Variants in CYTH1 observed in about 807,000 individuals in gnomAD.
CYTH1 encodes the protein cytohesin 1.
In CYTH1, 18 loss-of-function variants were observed where a neutral mutation model predicts 61.8. The ratio of observed to expected loss-of-function variants is 0.29; its 90% CI spans 0.20 to 0.43. CYTH1 has a LOEUF of 0.43. Ranked by LOEUF, CYTH1 falls within the 20% of genes least tolerant of loss-of-function variation. The pLI is 1.00. For synonymous variants in CYTH1, 174 were observed against 184.3 expected (o/e 0.94, Z 0.45); for missense variants, 336 against 510.5 (o/e 0.66, Z 3.29).
At chr17:78,698,459 C>T (rs747692255) in intron 8 of CYTH1, 79 bp from the exon 9 acceptor site, 78 of 1,187,684 alleles carry the variant, frequency 6.6e-5, no homozygotes, top group Non-Finnish European at 9.3e-5. Flanking sequence ...ATTCATTCCA[C>T]AAGCATTCAT....
At chr17:78,711,601 T>A (rs1034588578) in intron 1 of CYTH1, among the ~76,000 whole-genome samples, 22 of 152,094 alleles carry the variant, frequency 1.4e-4, no homozygotes, top group African/African-American at 4.8e-4. Context: ...CACAGAGCAG[T>A]TACTTTCCCC....
intron 2 of CYTH1, among the ~76,000 whole-genome samples, 165 bp from the exon 3 acceptor site, chr17:78,708,426 ATATT>A (rs1173155361): frequency 6.6e-6 from 1 of 152,274 alleles, no homozygotes; most frequent in Non-Finnish European, 1.5e-5. Flanking sequence ...TGTTTCAGAA[ATATT>A]TATTGAGTGC....
At chr17:78,744,583 A>G (rs2093352824) in intron 1 of CYTH1, among the ~76,000 whole-genome samples, 1 of 152,210 alleles carries the variant, frequency 6.6e-6, no homozygotes, top group Non-Finnish European at 1.5e-5. Context: ...TGGTTACCTA[A>G]AAAACATAGA....
At chr17:78,680,378 C>T in intron 12 of CYTH1, 34 bp from the exon 13 acceptor site, 1 of 1,582,986 alleles carries the variant, frequency 6.3e-7, no homozygotes, top group African/African-American at 1.4e-5. Flanking sequence ...GAGAGTGGAG[C>T]AAAGGAAGCT....
Position 78,742,702 on chromosome 17 carries a change from C to T in CYTH1, c.23-32970G>A, listed in dbSNP as rs374708670. On this transcript the variant is annotated intron_variant, in intron 1 of 13. Transcript: ENST00000446868. ...ACCCTGTCTCTACTAAAAATACAAA[C>T]GTTAGCTGGGCGTGGTGGTGGGCGC... Among the ~76,000 whole-genome samples the T allele has an allele frequency of 1.0e-4, 15 of 150,282 alleles. 4 individuals carry two copies. Among genetic ancestry groups the T allele is most frequent in the African/African-American group, 9.8e-5 (4 of 40,764 alleles).
At chr17:78,758,733 G>GA (rs937654881) in intron 1 of CYTH1, among the ~76,000 whole-genome samples, 9 of 151,706 alleles carry the variant, frequency 5.9e-5, no homozygotes, top group Admixed American at 5.3e-4. Flanking sequence ...AAAAAAGAAA[G>GA]AAAAAAAGAA....
rs768700248 is a variant in CYTH1 at position 78,692,400 on chromosome 17, G to T, written c.891+17C>A. On this transcript the variant is annotated intron_variant, in intron 11 of 13. Transcript: ENST00000446868. ...CTTGCCCATCCCTAGTCTGGAGGCC[G>T]ACTAGCAGGTGCTCACCGTGGTATA... 1.4e-5 allele frequency: 23 copies of T among 1,613,808 alleles called. No homozygotes were observed. Among genetic ancestry groups the T allele is most frequent in the Non-Finnish European group, 1.7e-5 (20 of 1,179,790 alleles).
chr17:78,736,275 C>T (rs946001819), intron 1 of CYTH1, among the ~76,000 whole-genome samples: 4 of 152,134 alleles, frequency 2.6e-5, no homozygotes, highest in Admixed American at 6.5e-5. Flanking sequence ...AGGAAGTAGA[C>T]ACAATCACCA....
At chr17:78,698,229 A>G (rs2144260990) in intron 9 of CYTH1, 40 bp downstream of exon 9, 1 of 1,531,266 alleles carries the variant, frequency 6.5e-7, no homozygotes, top group African/African-American at 1.4e-5. Flanking sequence ...TTTCTTCCTA[A>G]GTCTCAGCTT....
At position 78,781,420 on chromosome 17, in the gene CYTH1, C is replaced by G. The variant is rs182020131; in HGVS notation, c.22+782G>C. Among the ~76,000 whole-genome samples the G allele has an allele frequency of 1.8e-3, 281 of 152,378 alleles. 4 individuals are homozygous for G. The East Asian group carries it at 0.02, about 11-fold the overall frequency. On this transcript the variant is annotated intron_variant, in intron 1 of 13. Transcript: ENST00000446868. Reference sequence around the variant, plus strand: ...GGGAGGCACCCCTGGCCTGGGCCAGCAGCCTCAACGCGCGGGAGCGAAGGG... The same window carrying G: ...GGGAGGCACCCCTGGCCTGGGCCAGGAGCCTCAACGCGCGGGAGCGAAGGG...
chr17:78,756,982 T>TTC (rs1567877329), intron 1 of CYTH1, among the ~76,000 whole-genome samples: 1 of 149,116 alleles, frequency 6.7e-6, no homozygotes. Flanking sequence ...TTTTTTTCTT[T>TTC]TTTTTCTTTT....
intron 1 of CYTH1, among the ~76,000 whole-genome samples, chr17:78,775,625 A>C (rs2093487999): frequency 6.6e-6 from 1 of 152,182 alleles, no homozygotes; most frequent in Non-Finnish European, 1.5e-5. Flanking sequence ...TCAATGTAAA[A>C]ATTACATCAA....
At position 78,747,212 on chromosome 17, in the gene CYTH1, C is replaced by A. The variant is rs138856606; in HGVS notation, c.22+34990G>T. ...ATGCTAAGGATCAGGCTCTGAAGGC[C>A]CAGAGTATGCCAGGCTCGTAGAGTA... On this transcript the variant is annotated intron_variant, in intron 1 of 13. Transcript: ENST00000446868. 5.5e-4 allele frequency among the ~76,000 whole-genome samples: 82 copies of A among 150,200 alleles called. No individual in the cohort carries two copies. In the East Asian group the frequency reaches 0.015, roughly 28 times the overall value.
Position 78,756,971 on chromosome 17 carries a change from ATTTTTTTCTTTTTTTTCTT to A in CYTH1, c.22+25212_22+25230del, listed in dbSNP as rs1225635059. ...CACAAGGCGGAATTTCAAGGTTTGAATTTTTTTCTTTTTTTTCTTTTTTTTTTTTTTTTTTGAGATGGAG... is the reference window on the plus strand; with the variant it reads ...CACAAGGCGGAATTTCAAGGTTTGAATTTTTTTTTTTTTTTTGAGATGGAG... On this transcript the variant is annotated intron_variant, in intron 1 of 13. Coordinates refer to ENST00000446868, the MANE Select transcript of CYTH1 (RefSeq NM_004762.6). Among the ~76,000 whole-genome samples, 3 of 148,318 alleles carry A rather than the reference ATTTTTTTCTTTTTTTTCTT, an allele frequency of 2.0e-5. No homozygotes were observed. In the Admixed American group the frequency reaches 2.0e-4, roughly 10 times the overall value.
At chr17:78,745,513 C>T (rs2093356228) in intron 1 of CYTH1, among the ~76,000 whole-genome samples, 2 of 152,162 alleles carry the variant, frequency 1.3e-5, no homozygotes, top group African/African-American at 2.4e-5. Context: ...GTCAAAAATA[C>T]TGAATGTCAT....
In CYTH1 at chr17:78,744,897, C is replaced by T. The variant is rs2093354154; in HGVS notation, c.23-35165G>A. Among the ~76,000 whole-genome samples, 3 of 149,512 alleles carry T rather than the reference C, an allele frequency of 2.0e-5. No individual in the cohort carries two copies. The South Asian group carries it at 6.3e-4, about 31-fold the overall frequency. On this transcript the variant is annotated intron_variant, in intron 1 of 13. Coordinates refer to ENST00000446868, the MANE Select transcript of CYTH1 (RefSeq NM_004762.6). ...AACCATATCCTTTGTTTTATGTACA[C>T]AATTTGCATTTACTTCAATTTTTGC...
intron 1 of CYTH1, among the ~76,000 whole-genome samples, chr17:78,776,268 C>T (rs12940444): frequency 6.6e-6 from 1 of 152,168 alleles, no homozygotes; most frequent in African/African-American, 2.4e-5. Context: ...TGAACATACT[C>T]TCTGGAAAAT....
rs112855463 is a variant in CYTH1, at chr17:78,674,656, C to T, written c.*1435G>A. 8,195 of 152,622 alleles carry T rather than the reference C, an allele frequency of 0.054. 306 individuals are homozygous for T. Among genetic ancestry groups the T allele is most frequent in the Non-Finnish European group, 0.083 (5,670 of 68,242 alleles). 9.5% of individuals were successfully genotyped at this position (152,622 alleles called of 1,614,324 possible). A position where few individuals can be genotyped will look rare whatever the true frequency, so the allele number is the denominator to read the frequency against. On this transcript the variant is annotated 3_prime_UTR_variant, in exon 14 of 14. Transcript: ENST00000446868. ...CCTGTGAAAACCCGCAGCTCCTCCA[C>T]CTGCCTCCTCAGGGCTGCGCCCTGC...
intron 1 of CYTH1, among the ~76,000 whole-genome samples, chr17:78,726,380 G>A (rs17657767): frequency 0.41 from 61,277 of 149,528 alleles, 14,908 homozygotes; most frequent in Non-Finnish European, 0.53. Flanking sequence ...TGGAAACGAG[G>A]CCCCCTGTCA....
Sources: gnomAD v4.1 joint callset for allele counts (sites outside exome capture counted in the v4.1 genomes callset) on GRCh38, gnomAD v4.1.1 for gene constraint, MANE v1.5 for transcripts, NCBI Gene and HGNC (gene_info 2026-07-23, HGNC 2026-07-21) for gene names.